The following APC2 variants were observed in gnomAD, a reference collection of about 807,000 sequenced individuals.
The protein encoded by APC2 is adenomatous polyposis coli protein 2.
APC2 carries 41 observed loss-of-function variants against 72.5 expected under a neutral mutation model. That is an observed-to-expected ratio of 0.57 (90% CI 0.44 to 0.73). The LOEUF is 0.73. APC2 is among the 30% of genes least tolerant of loss of function. APC2 has a pLI of 0.00. For synonymous variants in APC2, 1,898 were observed against 1,612.0 expected (o/e 1.18, Z -4.25); for missense variants, 3,729 against 3,403.4 (o/e 1.10, Z -2.38).
chr19:1,466,613 C>A lies in APC2; in HGVS notation c.3312C>A (p.Gly1104=). 1.3e-6 allele frequency: 2 copies of A among 1,532,828 alleles called. No homozygotes were observed. Among genetic ancestry groups the A allele is most frequent in the Non-Finnish European group, 1.7e-6 (2 of 1,144,574 alleles). The allele number at this position is 1,532,828 out of a possible 1,614,324, so 95.0% of individuals were successfully genotyped here. ...CCCTGGAGGGGCTGGAGGAGGCCGG[C>A]CCCAGCGAGGCTGAGCTGGACAGCA... ...DSSLEGLEEA[G]PSEAELDSTW... The change falls in exon 15 of 15, where the codon GGC becomes GGA. Residue 1104 remains glycine (G), a synonymous_variant. Coordinates refer to ENST00000590469, the MANE Select transcript of APC2 (RefSeq NM_005883.3).
chr19:1,467,697 GA>G lies in APC2; in HGVS notation c.4397del (p.Glu1466GlyfsTer114). On this transcript the variant is annotated frameshift_variant, in exon 15 of 15. Transcript: ENST00000590469. LOFTEE classifies it low-confidence loss of function (END_TRUNC). ...CGCGGGCAAGAACAGAGCAGGGCTG[GA>G]GCTGCCCCTGGGCCGGCCCCCGAGC... ...RGAGKNRAGL[E>X]LPLGRPPSAP... is the part of the protein sequence containing the mutation. The G allele has an allele frequency of 6.8e-7, 1 of 1,460,634 alleles. No homozygotes were observed. Among genetic ancestry groups the G allele is most frequent in the South Asian group, 1.4e-5 (1 of 73,274 alleles). 90.5% of individuals were successfully genotyped at this position (1,460,634 alleles called of 1,614,324 possible). A position where few individuals can be genotyped will look rare whatever the true frequency, so the allele number is the denominator to read the frequency against.
Position 1,470,104 on chromosome 19 carries a change from C to T in APC2, c.6803C>T (p.Ala2268Val), listed in dbSNP as rs777883453. ...ASRHGSPSRS[A>V]RVPPFNYVPS... The stretch of plus-strand genomic sequence containing the variant: ...CGGCACGGCTCCCCCAGCCGCTCGG[C>T]CCGAGTACCCCCCTTCAACTATGTG... The change falls in exon 15 of 15, where the codon GCC (alanine) becomes GTC (valine). Residue 2268 changes from alanine to valine, a missense_variant. Transcript: ENST00000590469. 7.5e-6 allele frequency: 12 copies of T among 1,605,536 alleles called. No individual in the cohort carries two copies. The highest frequency in any genetic ancestry group is 9.3e-6 in the Non-Finnish European group (11 of 1,177,722).
chr19:1,453,707 G>A (rs757230104), intron 4 of APC2, 96 bp downstream of exon 4: 799 of 1,425,052 alleles, frequency 5.6e-4, no homozygotes, highest in Non-Finnish European at 7.2e-4. Flanking sequence ...ATATGTCTCT[G>A]CCCACACCTC....
At position 1,468,402 on chromosome 19, in the gene APC2, C is replaced by A; in HGVS notation, c.5101C>A (p.His1701Asn). The change falls in exon 15 of 15, where the codon CAC becomes AAC. Residue 1701 changes from histidine (H) to asparagine (N), a missense_variant. By Grantham distance (68) the His-to-Asn change is moderately conservative (BLOSUM62 1). Coordinates refer to ENST00000590469, the MANE Select transcript of APC2 (RefSeq NM_005883.3). ...EGANSIVTWL[H>N]QAAAATREAS... ...CGCCAATTCAATTGTCACGTGGCTG[C>A]ACCAGGCAGCAGCTGCCACGCGGGA... The A allele has an allele frequency of 1.9e-6, 3 of 1,588,100 alleles. No homozygotes were observed. Among genetic ancestry groups the A allele is most frequent in the Non-Finnish European group, 2.6e-6 (3 of 1,167,578 alleles).
chr19:1,457,309 G>T, intron 9 of APC2, 66 bp downstream of exon 9: 1 of 1,460,128 alleles, frequency 6.8e-7, no homozygotes, highest in South Asian at 1.3e-5. Flanking sequence ...CCCGGGGGAT[G>T]GGCGACTAGG....
chr19:1,456,143 C>T lies in APC2; in HGVS notation c.707C>T (p.Thr236Met), dbSNP rs764258231. The T allele has an allele frequency of 3.2e-5, 51 of 1,590,400 alleles. No individual in the cohort carries two copies. The highest frequency in any genetic ancestry group is 4.0e-5 in the African/African-American group (3 of 74,626). The change falls in exon 7 of 15, where the codon ACG (threonine) becomes ATG (methionine). Residue 236 changes from threonine (T) to methionine (M), a missense_variant. Transcript: ENST00000590469. ...LLEAQDRVQQ[T>M]EPQALLAVKS... The stretch of plus-strand genomic sequence containing the variant: ...GAGGCGCAGGACCGAGTGCAGCAGA[C>T]GGAGCCCCAGGTACCGGGTGGGGCA...
chr19:1,467,973 G>A lies in APC2; in HGVS notation c.4672G>A (p.Ala1558Thr). The change falls in exon 15 of 15, where the codon GCC becomes ACC. Residue 1558 changes from alanine to threonine, a missense_variant. Coordinates refer to ENST00000590469, the MANE Select transcript of APC2 (RefSeq NM_005883.3). ...APAPSKAAPA[A>T]PPPARTQPSL... The stretch of plus-strand genomic sequence containing the variant: ...TGCCCCGTCCAAGGCTGCACCAGCT[G>A]CCCCGCCGCCCGCCCGGACCCAGCC... 6.3e-7 allele frequency: 1 copy of A among 1,579,062 alleles called. No individual in the cohort carries two copies. Among genetic ancestry groups the A allele is most frequent in the Non-Finnish European group, 8.5e-7 (1 of 1,171,964 alleles).
At chr19:1,457,479 T>A in intron 9 of APC2, 1 of 592,294 alleles carries the variant, frequency 1.7e-6, no homozygotes, top group African/African-American at 2.0e-5. Flanking sequence ...GGATGGATCG[T>A]GGGTAACTCT....
chr19:1,470,131 C>T lies in APC2; in HGVS notation c.6830C>T (p.Pro2277Leu). 1 of 1,607,406 alleles carries T rather than the reference C, an allele frequency of 6.2e-7. No individual in the cohort carries two copies. Among genetic ancestry groups the T allele is most frequent in the South Asian group, 1.1e-5 (1 of 90,620 alleles). The change falls in exon 15 of 15, where the codon CCC becomes CTC. Residue 2277 changes from proline (P) to leucine (L), a missense_variant. Pro to Leu is a moderately conservative substitution (Grantham distance 98). Coordinates refer to ENST00000590469, the MANE Select transcript of APC2 (RefSeq NM_005883.3). ...CGAGTACCCCCCTTCAACTATGTGC[C>T]CAGCCCCATGGTGGTCGCAGCCACC... ...SARVPPFNYV[P>L]SPMVVAATTD...
intron 6 of APC2, 139 bp downstream of exon 6, chr19:1,455,639 T>C (rs185747974): frequency 0.01 from 8,923 of 850,552 alleles, 64 homozygotes; most frequent in Admixed American, 0.013. Flanking sequence ...CGGGTTCTGG[T>C]TCAGGAGGCG....
At chr19:1,462,260 A>AAT in intron 14 of APC2, 83 bp downstream of exon 14, 1 of 1,312,192 alleles carries the variant, frequency 7.6e-7, no homozygotes, top group Non-Finnish European at 1.0e-6. Flanking sequence ...TCCTCCCGTG[A>AAT]ATGCATGCTC....
Position 1,473,080 on chromosome 19 carries a change from C to T in APC2, c.*2867C>T, listed in dbSNP as rs2084162974. ...CTGTCTGATTCCCCTAGCCGCCACC[C>T]CACGTTTCTGTACCGGGTCTCTGCA... On this transcript the variant is annotated 3_prime_UTR_variant, in exon 15 of 15. Transcript: ENST00000590469. 3 of 152,344 alleles carry T rather than the reference C, an allele frequency of 2.0e-5. No individual in the cohort carries two copies. Among genetic ancestry groups the T allele is most frequent in the African/African-American group, 7.2e-5 (3 of 41,480 alleles). 9.4% of individuals were successfully genotyped at this position (152,344 alleles called of 1,614,324 possible).
At chr19:1,453,748 C>T (rs1055057118) in intron 4 of APC2, 137 bp downstream of exon 4, 29 of 1,213,164 alleles carry the variant, frequency 2.4e-5, no homozygotes. Flanking sequence ...TATGGCACTG[C>T]CCACCGAACA....
Position 1,469,767 on chromosome 19 carries a change from C to A in APC2, c.6466C>A (p.His2156Asn). The change falls in exon 15 of 15, where the codon CAC becomes AAC. Residue 2156 changes from histidine (H) to asparagine (N), a missense_variant. Coordinates refer to ENST00000590469, the MANE Select transcript of APC2 (RefSeq NM_005883.3). ...GCGCATCCGAGATGAGGACGTGCCCCACATCCTGCGCAGCACGCTTCCCGC... is the reference window on the plus strand; with the variant it reads ...GCGCATCCGAGATGAGGACGTGCCCAACATCCTGCGCAGCACGCTTCCCGC... Reference protein sequence around the residue: ...WRRIRDEDVPHILRSTLPATA... With the variant: ...WRRIRDEDVPNILRSTLPATA... 6.6e-7 allele frequency: 1 copy of A among 1,512,428 alleles called. No individual in the cohort carries two copies. Among genetic ancestry groups the A allele is most frequent in the Admixed American group, 2.0e-5 (1 of 49,398 alleles). The allele number at this position is 1,512,428 out of a possible 1,614,324, so 93.7% of individuals were successfully genotyped here.
Position 1,469,549 on chromosome 19 carries a change from G to A in APC2, c.6248G>A (p.Arg2083His). The change falls in exon 15 of 15, where the codon CGC becomes CAC. Residue 2083 changes from arginine (R) to histidine (H), a missense_variant. Physicochemically the swap from Arg to His is conservative, Grantham distance 29. Transcript: ENST00000590469. ...ARRTTSESPS[R>H]LPVRAPAARP... ...CGCACCACCTCCGAGAGCCCGTCCC[G>A]CCTGCCTGTGCGCGCGCCCGCCGCC... is the stretch of plus-strand genomic sequence containing the variant. The A allele has an allele frequency of 2.5e-6, 3 of 1,221,414 alleles. No individual in the cohort carries two copies. Among genetic ancestry groups the A allele is most frequent in the South Asian group, 1.8e-5 (1 of 54,888 alleles). 75.7% of individuals were successfully genotyped at this position (1,221,414 alleles called of 1,614,324 possible).
At chr19:1,463,799 AAAC>A (rs2083963744) in intron 14 of APC2, among the ~76,000 whole-genome samples, 1 of 152,088 alleles carries the variant, frequency 6.6e-6, no homozygotes, top group Admixed American at 6.6e-5. Context: ...TAAAATATTT[AAAC>A]AATAGAGAAT....
chr19:1,447,853 C>G (rs76026332), upstream of APC2, among the ~76,000 whole-genome samples: 1 of 152,142 alleles, frequency 6.6e-6, no homozygotes, highest in African/African-American at 2.4e-5. Context: ...GTTCCCTGGC[C>G]CAGGCCTCAG....
In APC2 at chr19:1,457,972, C is replaced by A; in HGVS notation, c.1215C>A (p.Ile405=). The A allele has an allele frequency of 6.4e-7, 1 of 1,557,034 alleles. No homozygotes were observed. The highest frequency in any genetic ancestry group is 8.7e-7 in the Non-Finnish European group (1 of 1,150,074). Residue 405 remains isoleucine (I), a synonymous_variant, in exon 10 of 15, where the codon ATC becomes ATA. Transcript: ENST00000590469. ...PEGGGAGSAP[I]PIEPQICQAT... Reference sequence around the variant, plus strand: ...TGGTCCCTGTGCCCACAGCCCCGATCCCCATCGAGCCGCAGATCTGCCAGG... The same window carrying A: ...TGGTCCCTGTGCCCACAGCCCCGATACCCATCGAGCCGCAGATCTGCCAGG...
Position 1,470,295 on chromosome 19 carries a change from T to TCCC in APC2, c.*85_*87dup. ...GCCCCATGGGCCTGCGCTGTAGACG[T>TCCC]CCCCCATAGGTCGCCCCAGGGCCTC... On this transcript the variant is annotated 3_prime_UTR_variant, in exon 15 of 15. Coordinates refer to ENST00000590469, the MANE Select transcript of APC2 (RefSeq NM_005883.3). 1 of 1,438,200 alleles carries TCCC rather than the reference T, an allele frequency of 7.0e-7. No individual in the cohort carries two copies. Among genetic ancestry groups the TCCC allele is most frequent in the Non-Finnish European group, 9.1e-7 (1 of 1,096,546 alleles). 89.1% of individuals were successfully genotyped at this position (1,438,200 alleles called of 1,614,324 possible). A position where few individuals can be genotyped will look rare whatever the true frequency, so the allele number is the denominator to read the frequency against.
Sources: gnomAD v4.1 joint callset for allele counts (sites outside exome capture counted in the v4.1 genomes callset) on GRCh38, gnomAD v4.1.1 for gene constraint, MANE v1.5 for transcripts, NCBI Gene and HGNC (gene_info 2026-07-23, HGNC 2026-07-21) for gene names.